The following TRMT5 variants were observed in gnomAD, a reference collection of about 807,000 sequenced individuals.
TRMT5 encodes the protein tRNA (guanine(37)-N(1))-methyltransferase.
TRMT5 carries 31 observed loss-of-function variants against 42.2 expected under a neutral mutation model. The ratio of observed to expected loss-of-function variants is 0.73; its 90% CI spans 0.55 to 0.99. The LOEUF (loss-of-function observed/expected upper bound fraction) is 0.99, where lower values mean the gene tolerates loss of function less well. Among genes scored for constraint, TRMT5 ranks in the 50% least tolerant of loss-of-function variants. The pLI, the probability that TRMT5 is intolerant of heterozygous loss-of-function variation, is 0.00. For synonymous variants in TRMT5, 198 were observed against 209.6 expected (o/e 0.94, Z 0.48); for missense variants, 568 against 595.0 (o/e 0.95, Z 0.47).
chr14:60,975,383 G>T, intron 4 of TRMT5, 92 bp downstream of exon 4: 1 of 1,480,986 alleles, frequency 6.8e-7, no homozygotes, highest in South Asian at 1.3e-5. Context: ...CTATTAGACT[G>T]AACTAATACT....
In TRMT5 at chr14:60,977,481, A is replaced by AT. The variant is rs750278725; in HGVS notation, c.792+32dup. 3 of 1,579,604 alleles carry AT rather than the reference A, an allele frequency of 1.9e-6. No homozygotes were observed. In the Admixed American group the frequency reaches 5.5e-5, roughly 29 times the overall value. On this transcript the variant is annotated intron_variant, in intron 3 of 4. Transcript: ENST00000261249. ...TATTCTGACTCTAAACATAATATTG[A>AT]TATACACCTTACTTGGAGATAATAA...
intron 1 of TRMT5, 63 bp downstream of exon 1, chr14:60,980,900 G>A (rs1414477037): frequency 6.2e-7 from 1 of 1,608,448 alleles, no homozygotes; most frequent in Non-Finnish European, 8.5e-7. Context: ...ATGGCAGAGA[G>A]CAGCCCTGGG....
Position 60,972,588 on chromosome 14 carries a change from T to C in TRMT5, c.*2521A>G, listed in dbSNP as rs2036791974. On this transcript the variant is annotated 3_prime_UTR_variant, in exon 5 of 5. Coordinates refer to ENST00000261249, the MANE Select transcript of TRMT5 (RefSeq NM_020810.3). ...TCACACTGCTCCCACGCTTTTTTAA[T>C]TGACAAAATTCAAAATATAGCCCAA... The C allele has an allele frequency of 6.0e-6, 2 of 333,456 alleles. No homozygotes were observed. Among genetic ancestry groups the C allele is most frequent in the Non-Finnish European group, 1.2e-5 (2 of 172,750 alleles). The allele number at this position is 333,456 out of a possible 1,614,324, so 20.7% of individuals were successfully genotyped here.
intron 2 of TRMT5, among the ~76,000 whole-genome samples, chr14:60,978,045 A>G (rs1157444552): frequency 6.6e-6 from 1 of 152,160 alleles, no homozygotes; most frequent in Non-Finnish European, 1.5e-5. Context: ...TGCCGGTTCC[A>G]CTGGCCTCAA....
Position 60,975,132 on chromosome 14 carries a change from T to A in TRMT5, c.1507A>T (p.Thr503Ser). The change falls in exon 5 of 5, where the codon ACA becomes TCA. Residue 503 changes from threonine to serine, a missense_variant. By Grantham distance (58) the Thr-to-Ser change is moderately conservative (BLOSUM62 1). Coordinates refer to ENST00000261249, the MANE Select transcript of TRMT5 (RefSeq NM_020810.3). ...RTAEAFSDEK[T>S]QIVSNT ...AATTAAGTGTTTGAAACAATTTGTGTTTTTTCGTCTGAAAAGGCTTCAGCC... is the reference window on the plus strand; with the variant it reads ...AATTAAGTGTTTGAAACAATTTGTGATTTTTCGTCTGAAAAGGCTTCAGCC... The A allele has an allele frequency of 6.2e-7, 1 of 1,610,246 alleles. No individual in the cohort carries two copies. The highest frequency in any genetic ancestry group is 8.5e-7 in the Non-Finnish European group (1 of 1,178,646).
chr14:60,977,893 G>GT (rs1594926538), intron 2 of TRMT5, among the ~76,000 whole-genome samples: 1 of 152,118 alleles, frequency 6.6e-6, no homozygotes, highest in East Asian at 1.9e-4. Context: ...TCTACCTAAT[G>GT]TTTTTTCCAT....
In TRMT5 at chr14:60,979,784, C is replaced by T; in HGVS notation, c.114G>A (p.Leu38=). The T allele has an allele frequency of 6.2e-7, 1 of 1,613,698 alleles. No homozygotes were observed. Among genetic ancestry groups the T allele is most frequent in the Non-Finnish European group, 8.5e-7 (1 of 1,179,962 alleles). ...CAGGTGCTTCCAAAAGCATCTGTGT[C>T]AGGGATGTCCAAGCTACTGGAATCA... ...KSLIPVAWTS[L]TQMLLEAPGI... Residue 38 remains leucine (L), a synonymous_variant, in exon 2 of 5, where the codon CTG becomes CTA. Coordinates refer to ENST00000261249, the MANE Select transcript of TRMT5 (RefSeq NM_020810.3).
At chr14:60,981,211 C>G (rs1310426777), upstream of TRMT5, 2 of 1,547,600 alleles carry the variant, frequency 1.3e-6, no homozygotes, top group African/African-American at 1.4e-5. Context: ...CTGGCGCGAC[C>G]GACGACTGGA....
rs781231208 is a variant in TRMT5 at position 60,980,910 on chromosome 14, G to A, written c.11+53C>T. On this transcript the variant is annotated intron_variant, in intron 1 of 4. Coordinates refer to ENST00000261249, the MANE Select transcript of TRMT5 (RefSeq NM_020810.3). ...AGCACATGGCAGAGAGCAGCCCTGG[G>A]CGGGCTGGTACCTCCCCTGGACCAT... 3 of 1,611,358 alleles carry A rather than the reference G, an allele frequency of 1.9e-6. No homozygotes were observed. In the African/African-American group the frequency reaches 4.0e-5, roughly 22 times the overall value.
rs139169601 is a variant in TRMT5 at position 60,977,258 on chromosome 14, G to A, written c.792+256C>T. Reference sequence around the variant, plus strand: ...AATTGTCCATTGTCAACCTATCGATGGACAACTTATTTTAACAAATATGGA... The same window carrying A: ...AATTGTCCATTGTCAACCTATCGATAGACAACTTATTTTAACAAATATGGA... On this transcript the variant is annotated intron_variant, in intron 3 of 4. Transcript: ENST00000261249. 2.8e-3 allele frequency among the ~76,000 whole-genome samples: 430 copies of A among 151,982 alleles called. 2 individuals are homozygous for A. Among genetic ancestry groups the A allele is most frequent in the Non-Finnish European group, 3.2e-3 (215 of 67,950 alleles).
chr14:60,977,587 A>G lies in TRMT5; in HGVS notation c.719T>C (p.Ile240Thr), dbSNP rs781123119. The G allele has an allele frequency of 6.2e-7, 1 of 1,610,854 alleles. No individual in the cohort carries two copies. Among genetic ancestry groups the G allele is most frequent in the South Asian group, 1.1e-5 (1 of 90,550 alleles). Residue 240 changes from isoleucine (I) to threonine (T), a missense_variant, in exon 3 of 5, where the codon ATA (isoleucine) becomes ACA (threonine). Physicochemically the swap from Ile to Thr is moderately conservative, Grantham distance 89. Coordinates refer to ENST00000261249, the MANE Select transcript of TRMT5 (RefSeq NM_020810.3). ...TCGGTACATATTGTCAATATTATTT[A>G]TTTTATTTACTGCTGAGGTGATTCC... ...NPGITSAVNK[I>T]NNIDNMYRNF...
At chr14:60,978,132 CA>C (rs910583072) in intron 2 of TRMT5, among the ~76,000 whole-genome samples, 26 of 148,206 alleles carry the variant, frequency 1.8e-4, no homozygotes, top group African/African-American at 6.5e-4. Flanking sequence ...ACAATGTTTC[CA>C]AAAAAAAAGA....
At position 60,972,240 on chromosome 14, in the gene TRMT5, A is replaced by G; in HGVS notation, c.*2869T>C. ...AGAAGTACAGTTATAAAAAATGCAC[A>G]CACTTCACTTGGGATCTCCAGCACC... On this transcript the variant is annotated 3_prime_UTR_variant, in exon 5 of 5. Coordinates refer to ENST00000261249, the MANE Select transcript of TRMT5 (RefSeq NM_020810.3). 2 of 524,920 alleles carry G rather than the reference A, an allele frequency of 3.8e-6. No homozygotes were observed. The highest frequency in any genetic ancestry group is 7.6e-6 in the Non-Finnish European group (2 of 264,308). The allele number at this position is 524,920 out of a possible 1,614,324, so 32.5% of individuals were successfully genotyped here.
At chr14:60,975,296 A>C (rs1387466987) in intron 4 of TRMT5, 102 bp from the exon 5 acceptor site, 1 of 1,298,500 alleles carries the variant, frequency 7.7e-7, no homozygotes, top group Non-Finnish European at 1.1e-6. Flanking sequence ...GTCAACTTAA[A>C]CATGAAATAA....
Position 60,979,727 on chromosome 14 carries a change from G to C in TRMT5, c.171C>G (p.Phe57Leu), listed in dbSNP as rs978146113. The C allele has an allele frequency of 1.2e-6, 2 of 1,613,912 alleles. No individual in the cohort carries two copies. Among genetic ancestry groups the C allele is most frequent in the Admixed American group, 1.7e-5 (1 of 59,994 alleles). The change falls in exon 2 of 5, where the codon TTC becomes TTG. Residue 57 changes from phenylalanine to leucine, a missense_variant. Coordinates refer to ENST00000261249, the MANE Select transcript of TRMT5 (RefSeq NM_020810.3). ...GIFLLGQRKR[F>L]STMPETETHE... ...GTGTTTCTGTTTCTGGCATGGTTGAGAATCTTTTTCTTTGACCCAATAAGA... is the reference window on the plus strand; with the variant it reads ...GTGTTTCTGTTTCTGGCATGGTTGACAATCTTTTTCTTTGACCCAATAAGA...
rs151180205 is a variant in TRMT5 at position 60,976,210 on chromosome 14, C to T, written c.793-84G>A. On this transcript the variant is annotated intron_variant, in intron 3 of 4. Transcript: ENST00000261249. ...ATATTGGATAGGTTGTGTATACACA[C>T]AGGCAAACACATACACATTTAAGTT... 6.3e-4 allele frequency: 895 copies of T among 1,430,470 alleles called. 5 individuals are homozygous for T. In the African/African-American group the frequency reaches 9.4e-3, roughly 15 times the overall value. The allele number at this position is 1,430,470 out of a possible 1,614,324, so 88.6% of individuals were successfully genotyped here.
rs1384419944 is a variant in TRMT5, at chr14:60,975,719, C to T, written c.1200G>A (p.Lys400=). The T allele has an allele frequency of 2.5e-6, 4 of 1,614,224 alleles. No homozygotes were observed. Among genetic ancestry groups the T allele is most frequent in the Non-Finnish European group, 3.4e-6 (4 of 1,180,034 alleles). ...TGCATGGCTGCCCATCTAAAAGCCA[C>T]TTGAAAGCACTAAGAAACTCTATAG... ...AKAIEFLSAF[K]WLLDGQPCSS... The change falls in exon 4 of 5, where the codon AAG becomes AAA. Residue 400 remains lysine, a synonymous_variant. Coordinates refer to ENST00000261249, the MANE Select transcript of TRMT5 (RefSeq NM_020810.3).
At chr14:60,980,904 C>A (rs1400645760) in intron 1 of TRMT5, 59 bp downstream of exon 1, 2 of 1,611,360 alleles carry the variant, frequency 1.2e-6, no homozygotes, top group South Asian at 1.1e-5. Flanking sequence ...CAGAGAGCAG[C>A]CCTGGGCGGG....
chr14:60,981,369 C>G (rs747978137), upstream of TRMT5: 1 of 1,602,548 alleles, frequency 6.2e-7, no homozygotes, highest in African/African-American at 1.3e-5. Flanking sequence ...GAGTTGAGTC[C>G]GTTGCTAAGC....
Sources: allele counts gnomAD v4.1 joint callset (sites outside exome capture counted in the v4.1 genomes callset), GRCh38; gene constraint gnomAD v4.1.1; transcripts MANE v1.5; gene names NCBI Gene and HGNC (gene_info 2026-07-23, HGNC 2026-07-21).